Variants in SLC35F3 observed in about 807,000 individuals in gnomAD.
SLC35F3 encodes putative thiamine transporter SLC35F3.
SLC35F3 carries 25 observed loss-of-function variants against 49.9 expected under a neutral mutation model. The ratio of observed to expected loss-of-function variants is 0.50; its 90% CI spans 0.37 to 0.70. The LOEUF (loss-of-function observed/expected upper bound fraction) is 0.70. Among genes scored for constraint, SLC35F3 ranks in the 30% least tolerant of loss-of-function variants. The probability of loss-of-function intolerance (pLI) is 0.00; values close to 1 mark genes in which losing one functional copy is unlikely to be tolerated. For synonymous variants in SLC35F3, 275 were observed against 265.4 expected, an observed-to-expected ratio of 1.04 and a Z score of -0.35; for missense variants, 525 against 639.8, an observed-to-expected ratio of 0.82 and a Z score of 1.94.
chr1:233,924,628 C>G (rs1000418496), intron 2 of SLC35F3, among the ~76,000 whole-genome samples: 1 of 152,220 alleles, frequency 6.6e-6, no homozygotes, highest in Non-Finnish European at 1.5e-5. Flanking sequence ...GTTTCTCTAT[C>G]TCCTTCAGTT....
Position 234,244,944 on chromosome 1 carries a change from T to C in SLC35F3, c.608+13203T>C, listed in dbSNP as rs556684624. On this transcript the variant is annotated intron_variant, in intron 3 of 7. Coordinates refer to ENST00000366618, the MANE Select transcript of SLC35F3 (RefSeq NM_173508.4). ...TATTGGGGGTTTCCATCACTTTGAGTATTTGTCATTTTTATGCATTGATAT... is the reference window on the plus strand; with the variant it reads ...TATTGGGGGTTTCCATCACTTTGAGCATTTGTCATTTTTATGCATTGATAT... Among the ~76,000 whole-genome samples the C allele has an allele frequency of 3.9e-5, 6 of 152,326 alleles. No homozygotes were observed. In the South Asian group the frequency reaches 1.2e-3, roughly 32 times the overall value.
rs367821858 is a variant in SLC35F3 at position 233,905,796 on chromosome 1, C to T, written c.283+38C>T. The T allele has an allele frequency of 4.5e-6, 7 of 1,548,054 alleles. No individual in the cohort carries two copies. In the African/African-American group the frequency reaches 5.4e-5, roughly 12 times the overall value. ...CACGTCATGTTTCCCGTTCACTGGT[C>T]CATCTTCTTACCATTGTCACAGCAG... On this transcript the variant is annotated intron_variant, in intron 2 of 7. Transcript: ENST00000366618.
intron 2 of SLC35F3, among the ~76,000 whole-genome samples, chr1:233,908,504 T>A (rs1227680534): frequency 6.6e-6 from 1 of 152,026 alleles, no homozygotes; most frequent in Non-Finnish European, 1.5e-5. Flanking sequence ...TTCGCAAGTT[T>A]CGCTCTAGAC....
intron 2 of SLC35F3, among the ~76,000 whole-genome samples, chr1:234,010,805 G>A (rs1489368825): frequency 2.0e-5 from 3 of 152,124 alleles, no homozygotes; most frequent in Non-Finnish European, 4.4e-5. Context: ...AACAGGAGTA[G>A]CTATATTTAT....
intron 3 of SLC35F3, among the ~76,000 whole-genome samples, chr1:234,278,155 T>C (rs112910306): frequency 0.06 from 9,178 of 151,912 alleles, 328 homozygotes; most frequent in African/African-American, 0.099. Context: ...ATCACGCCAC[T>C]GCACTCCAGT....
chr1:234,030,603 A>C (rs1015056389), intron 2 of SLC35F3, among the ~76,000 whole-genome samples: 18 of 152,342 alleles, frequency 1.2e-4, no homozygotes, highest in Non-Finnish European at 4.4e-5. Context: ...TACGGGATTA[A>C]ATACCTAACT....
intron 3 of SLC35F3, among the ~76,000 whole-genome samples, chr1:234,280,982 G>GCA (rs1668315746): frequency 6.6e-6 from 1 of 152,270 alleles, no homozygotes; most frequent in Non-Finnish European, 1.5e-5. Context: ...ACAGCAGCTT[G>GCA]GGTTCCATGC....
intron 2 of SLC35F3, among the ~76,000 whole-genome samples, chr1:233,953,290 AAAGAGTT>A (rs1261117607): frequency 6.6e-6 from 1 of 152,238 alleles, no homozygotes; most frequent in East Asian, 1.9e-4. Flanking sequence ...GATAGAGGAA[AAAGAGTT>A]AAGAGTGTTT....
intron 3 of SLC35F3, among the ~76,000 whole-genome samples, chr1:234,299,180 T>A (rs1668651951): frequency 6.6e-6 from 1 of 152,204 alleles, no homozygotes; most frequent in African/African-American, 2.4e-5. Flanking sequence ...AGGCATTGAC[T>A]GATACCTAAA....
chr1:234,319,234 A>C (rs184371516), intron 6 of SLC35F3, among the ~76,000 whole-genome samples: 1 of 152,344 alleles, frequency 6.6e-6, no homozygotes, highest in East Asian at 1.9e-4. Context: ...CAAGGAGCTG[A>C]TAAATTAATA....
At chr1:234,276,719 G>T (rs902263699) in intron 3 of SLC35F3, among the ~76,000 whole-genome samples, 1 of 152,196 alleles carries the variant, frequency 6.6e-6, no homozygotes, top group Non-Finnish European at 1.5e-5. Context: ...CTCCAGGCAG[G>T]TCACGTTCTA....
At chr1:234,322,105 A>G (rs12119072) in intron 7 of SLC35F3, among the ~76,000 whole-genome samples, 14,719 of 151,684 alleles carry the variant, frequency 0.097, 833 homozygotes, top group African/African-American at 0.15. Context: ...TGGATGGGAG[A>G]ATCGCTTGAG....
Position 234,112,722 on chromosome 1 carries a change from ATTTTTTTTTTTTTTTT to A in SLC35F3, c.284-118683_284-118668del, listed in dbSNP as rs1157248348. Among the ~76,000 whole-genome samples the A allele has an allele frequency of 1.8e-4, 6 of 33,562 alleles. No individual in the cohort carries two copies. The South Asian group carries it at 9.9e-3, about 55-fold the overall frequency. 22.0% of individuals were successfully genotyped at this position (33,562 alleles called of 152,430 possible). A position where few individuals can be genotyped will look rare whatever the true frequency, so the allele number is the denominator to read the frequency against. On this transcript the variant is annotated intron_variant, in intron 2 of 7. Transcript: ENST00000366618. ...AGGCGTCCGCCACCATGCCCAGCTA[ATTTTTTTTTTTTTTTT>A]TTTTTTTTTTTGCATTTTTAGTAGA... is the stretch of plus-strand genomic sequence containing the variant.
chr1:234,137,294 A>G (rs1416002254), intron 2 of SLC35F3, among the ~76,000 whole-genome samples: 1 of 152,160 alleles, frequency 6.6e-6, no homozygotes, highest in African/African-American at 2.4e-5. Context: ...TGGCAGAAAA[A>G]CCAGGTGGCA....
chr1:233,922,155 C>T (rs1039161083), intron 2 of SLC35F3, among the ~76,000 whole-genome samples: 15 of 152,200 alleles, frequency 9.9e-5, no homozygotes, highest in Non-Finnish European at 1.8e-4. Flanking sequence ...TGGGTATATA[C>T]CCAGTAATGG....
chr1:234,015,541 A>C (rs1663789744), intron 2 of SLC35F3, among the ~76,000 whole-genome samples: 1 of 152,176 alleles, frequency 6.6e-6, no homozygotes, highest in Non-Finnish European at 1.5e-5. Flanking sequence ...CAAAGGTGCC[A>C]AGAACACACT....
At chr1:234,069,640 C>T (rs1271983195) in intron 2 of SLC35F3, among the ~76,000 whole-genome samples, 1 of 152,200 alleles carries the variant, frequency 6.6e-6, no homozygotes, top group Non-Finnish European at 1.5e-5. Flanking sequence ...TACGAGTCTT[C>T]TTAGGCCTCA....
chr1:233,905,408 G>C (rs77580285), intron 1 of SLC35F3, 121 bp from the exon 2 acceptor site: 1 of 792,958 alleles, frequency 1.3e-6, no homozygotes, highest in African/African-American at 1.7e-5. Context: ...CGCGGCGCTC[G>C]CCCCCGGAGG....
At chr1:234,149,594 G>A (rs1278433878) in intron 2 of SLC35F3, among the ~76,000 whole-genome samples, 1 of 152,100 alleles carries the variant, frequency 6.6e-6, no homozygotes, top group Non-Finnish European at 1.5e-5. Context: ...ACCAAAGAGA[G>A]GCATCCCTAA....
Sources: allele counts gnomAD v4.1 joint callset (sites outside exome capture counted in the v4.1 genomes callset), GRCh38; gene constraint gnomAD v4.1.1; transcripts MANE v1.5; gene names NCBI Gene and HGNC (gene_info 2026-07-23, HGNC 2026-07-21).